GTF2IRD1: variants seen among roughly 807,000 people sequenced by gnomAD.
GTF2IRD1 encodes the protein general transcription factor II-I repeat domain-containing protein 1.
In GTF2IRD1, 26 loss-of-function variants were observed where a neutral mutation model predicts 113.2. That is an observed-to-expected ratio of 0.23 (90% CI 0.17 to 0.32). The LOEUF is 0.32. Ranked by LOEUF, GTF2IRD1 falls within the 10% of genes least tolerant of loss-of-function variation. The pLI, the probability that GTF2IRD1 is intolerant of heterozygous loss-of-function variation, is 1.00. For missense variants in GTF2IRD1, 864 were observed against 1,280.8 expected (o/e 0.67, Z 4.97); for synonymous variants, 484 against 529.1 (o/e 0.91, Z 1.17).
intron 1 of GTF2IRD1, among the ~76,000 whole-genome samples, chr7:74,485,818 C>T (rs1261797953): frequency 2.0e-5 from 3 of 151,870 alleles, no homozygotes; most frequent in South Asian, 2.1e-4. Flanking sequence ...CCCAGGTACT[C>T]GTGAGCCTGA....
intron 22 of GTF2IRD1, among the ~76,000 whole-genome samples, chr7:74,570,255 C>T (rs868984404): frequency 2.0e-4 from 31 of 151,524 alleles, no homozygotes; most frequent in Middle Eastern, 3.5e-3. Flanking sequence ...CCCAGCTACT[C>T]GGGAGCTTGA....
chr7:74,538,040 C>T (rs587689050), intron 11 of GTF2IRD1, 96 bp from the exon 12 acceptor site: 38 of 1,208,202 alleles, frequency 3.1e-5, no homozygotes, highest in Middle Eastern at 5.6e-4. Flanking sequence ...TCTGCAGTGG[C>T]GCCCGCGGTG....
chr7:74,456,781 G>A (rs1381996852), intron 1 of GTF2IRD1, among the ~76,000 whole-genome samples: 1 of 151,992 alleles, frequency 6.6e-6, no homozygotes, highest in Non-Finnish European at 1.5e-5. Flanking sequence ...CTCTTCTCTC[G>A]AAGGTTCTTC....
At chr7:74,561,898 G>A (rs1253122661) in intron 22 of GTF2IRD1, among the ~76,000 whole-genome samples, 1 of 152,154 alleles carries the variant, frequency 6.6e-6, no homozygotes, top group African/African-American at 2.4e-5. Context: ...CTGAGGCTCG[G>A]TGTGAGTGAT....
chr7:74,468,637 G>A (rs1170840870), intron 1 of GTF2IRD1, among the ~76,000 whole-genome samples: 12 of 147,578 alleles, frequency 8.1e-5, no homozygotes, highest in African/African-American at 1.5e-4. Context: ...CCAGCCTGGC[G>A]ACAGAGCAGC....
rs587669299 is a variant in GTF2IRD1 at position 74,576,184 on chromosome 7, C to T, written c.2321-13667C>T. On this transcript the variant is annotated intron_variant, in intron 22 of 26. Coordinates refer to ENST00000424337, the MANE Select transcript of GTF2IRD1 (RefSeq NM_005685.4). ...CAAAAAAATAAATAAATTACCTAAA[C>T]GTAGTGGCTTCAAACAACACAAATT... 1.7e-3 allele frequency among the ~76,000 whole-genome samples: 259 copies of T among 151,934 alleles called. 1 individual carries two copies. In the South Asian group the frequency reaches 0.018, roughly 11 times the overall value.
intron 1 of GTF2IRD1, among the ~76,000 whole-genome samples, chr7:74,467,403 T>G (rs919447559): frequency 6.6e-6 from 1 of 152,168 alleles, no homozygotes; most frequent in African/African-American, 2.4e-5. Context: ...ACAGCCCAAT[T>G]TGGAGCGTTT....
At chr7:74,544,416 C>A (rs1554352586) in intron 14 of GTF2IRD1, among the ~76,000 whole-genome samples, 1 of 152,158 alleles carries the variant, frequency 6.6e-6, no homozygotes, top group Admixed American at 6.6e-5. Flanking sequence ...AAACTCCTGG[C>A]CTCAAGTAAT....
At chr7:74,515,877 C>G (rs587738850) in intron 4 of GTF2IRD1, among the ~76,000 whole-genome samples, 1 of 152,138 alleles carries the variant, frequency 6.6e-6, no homozygotes, top group Non-Finnish European at 1.5e-5. Context: ...GCCACGGTCT[C>G]CCTGCTTCCA....
At chr7:74,454,902 C>T (rs1792863083) in intron 1 of GTF2IRD1, among the ~76,000 whole-genome samples, 1 of 152,124 alleles carries the variant, frequency 6.6e-6, no homozygotes, top group African/African-American at 2.4e-5. Flanking sequence ...GCTGAACACC[C>T]ACCCGCCCCA....
At chr7:74,521,598 C>T (rs1797301343) in intron 7 of GTF2IRD1, among the ~76,000 whole-genome samples, 1 of 151,906 alleles carries the variant, frequency 6.6e-6, no homozygotes, top group Non-Finnish European at 1.5e-5. Context: ...GCTGTCTCTA[C>T]AAAAAATAAG....
At chr7:74,480,354 CAT>C (rs1408902429) in intron 1 of GTF2IRD1, among the ~76,000 whole-genome samples, 2 of 152,154 alleles carry the variant, frequency 1.3e-5, no homozygotes, top group African/African-American at 2.4e-5. Context: ...GCCGTGGGAA[CAT>C]GTGGATCTGT....
rs1802581793 is a variant in GTF2IRD1 at position 74,598,956 on chromosome 7, C to T, written c.2630-2088C>T. Among the ~76,000 whole-genome samples the T allele has an allele frequency of 2.0e-5, 3 of 152,190 alleles. No individual in the cohort carries two copies. The South Asian group carries it at 6.2e-4, about 31-fold the overall frequency. On this transcript the variant is annotated intron_variant, in intron 25 of 26. Coordinates refer to ENST00000424337, the MANE Select transcript of GTF2IRD1 (RefSeq NM_005685.4). ...CTGACTTCTCCACCAGTTGAAGAGA[C>T]ATTTGCCCCATGGACCCAGCCTGCC...
At chr7:74,563,714 C>T (rs368747684) in intron 22 of GTF2IRD1, among the ~76,000 whole-genome samples, 13 of 152,200 alleles carry the variant, frequency 8.5e-5, no homozygotes, top group African/African-American at 1.4e-4. Flanking sequence ...AACAAGACCC[C>T]GTCTCTACAA....
intron 1 of GTF2IRD1, among the ~76,000 whole-genome samples, chr7:74,484,647 C>T (rs1794920378): frequency 6.6e-6 from 1 of 151,732 alleles, no homozygotes; most frequent in Non-Finnish European, 1.5e-5. Flanking sequence ...TTAGTAGAGA[C>T]GAGATTTCAC....
intron 1 of GTF2IRD1, among the ~76,000 whole-genome samples, chr7:74,475,539 TA>T (rs550139106): frequency 6.6e-6 from 1 of 152,216 alleles, no homozygotes; most frequent in African/African-American, 2.4e-5. Context: ...TGCTGTACCC[TA>T]GGGAGGGGAG....
chr7:74,595,004 T>G lies in GTF2IRD1; in HGVS notation c.2592-10T>G, dbSNP rs1237831360. On this transcript the variant is annotated splice_polypyrimidine_tract_variant and intron_variant, in intron 24 of 26. Transcript: ENST00000424337. ...TTTTCTAACTGCCACCTCATTTCTT[T>G]CTTTTTCAGACCCTTTGCAGAAATC... is the stretch of plus-strand genomic sequence containing the variant. 6.3e-7 allele frequency: 1 copy of G among 1,599,646 alleles called. No individual in the cohort carries two copies. Among genetic ancestry groups the G allele is most frequent in the African/African-American group, 1.3e-5 (1 of 74,584 alleles).
intron 22 of GTF2IRD1, among the ~76,000 whole-genome samples, chr7:74,574,847 G>C (rs113833856): frequency 6.6e-6 from 1 of 151,656 alleles, no homozygotes; most frequent in Admixed American, 6.6e-5. Context: ...CCAGCACTTC[G>C]GGAGGCTGAG....
intron 19 of GTF2IRD1, among the ~76,000 whole-genome samples, chr7:74,556,790 A>ATTTTT (rs587648610): frequency 2.7e-4 from 36 of 132,876 alleles, no homozygotes; most frequent in South Asian, 4.7e-4. Context: ...TGCCTGGCTA[A>ATTTTT]TTTTTGTATT....
Sources: allele counts gnomAD v4.1 joint callset (sites outside exome capture counted in the v4.1 genomes callset), GRCh38; gene constraint gnomAD v4.1.1; transcripts MANE v1.5; gene names NCBI Gene and HGNC (gene_info 2026-07-23, HGNC 2026-07-21).